C22orf31: variants seen among roughly 807,000 people sequenced by gnomAD.
C22orf31 encodes uncharacterized protein C22orf31.
A neutral mutation model predicts 15.0 loss-of-function variants in C22orf31; 11 were observed. The observed-to-expected ratio is 0.73, with a 90% CI of 0.46 to 1.21. The LOEUF (loss-of-function observed/expected upper bound fraction) is 1.21. C22orf31 is among the 50% of genes most tolerant of loss of function. The probability of loss-of-function intolerance (pLI) is 0.00; values close to 1 mark genes in which losing one functional copy is unlikely to be tolerated. For synonymous variants in C22orf31, 132 were observed against 133.3 expected (o/e 0.99, Z 0.07); for missense variants, 340 against 347.2 (o/e 0.98, Z 0.17).
upstream of C22orf31, chr22:29,061,845 T>G (rs2037395309): frequency 7.1e-7 from 1 of 1,403,240 alleles, no homozygotes; most frequent in Non-Finnish European, 9.9e-7. Context: ...GGAAGAAATA[T>G]GTATTTTCTC....
upstream of C22orf31, among the ~76,000 whole-genome samples, chr22:29,066,539 C>CTTTTTTTTTTTTTTTTT (rs134565): frequency 5.6e-4 from 39 of 70,230 alleles, 5 homozygotes; most frequent in Non-Finnish European, 7.4e-4. Context: ...CTTTTCTTTT[C>CTTTTTTTTTTTTTTTTT]TTTTTTTTTT....
chr22:29,061,935 A>G (rs1357289799), upstream of C22orf31: 7 of 630,570 alleles, frequency 1.1e-5, no homozygotes, highest in Non-Finnish European at 1.9e-5. Flanking sequence ...CCTTAGTCAC[A>G]TATGGGCAAA....
upstream of C22orf31, among the ~76,000 whole-genome samples, chr22:29,066,216 T>G (rs2037428576): frequency 1.3e-5 from 2 of 152,202 alleles, no homozygotes; most frequent in African/African-American, 4.8e-5. Flanking sequence ...GCAATTCTAG[T>G]GGAATTTAGT....
upstream of C22orf31, among the ~76,000 whole-genome samples, chr22:29,066,559 T>C (rs1199990442): frequency 6.1e-4 from 52 of 85,848 alleles, no homozygotes; most frequent in South Asian, 2.8e-3. Context: ...TTTTTTTTTT[T>C]TTTTTTTTTT....
At chr22:29,069,545 C>A in the C22orf31 span, among the ~76,000 whole-genome samples, 1,220 of 152,286 alleles carry the variant, frequency 8.0e-3, 23 homozygotes, top group African/African-American at 0.029. Context: ...CTCACTCTTT[C>A]CATGAAATAA....
upstream of C22orf31, among the ~76,000 whole-genome samples, chr22:29,064,515 G>A (rs1195583588): frequency 2.6e-5 from 4 of 151,532 alleles, no homozygotes; most frequent in Non-Finnish European, 5.9e-5. Context: ...GCTTTTTTGT[G>A]TTTTTGTTTT....
the C22orf31 span, among the ~76,000 whole-genome samples, chr22:29,070,341 A>G: frequency 1.3e-5 from 2 of 152,226 alleles, no homozygotes; most frequent in Non-Finnish European, 2.9e-5. Context: ...AGCAGTGTAC[A>G]TGACAGAGAG....
rs767733864 is a variant in C22orf31 at position 29,059,008 on chromosome 22, G to A, written c.607C>T (p.Leu203=). The A allele has an allele frequency of 1.2e-6, 2 of 1,614,226 alleles. No homozygotes were observed. Among genetic ancestry groups the A allele is most frequent in the South Asian group, 1.1e-5 (1 of 91,090 alleles). The change falls in exon 3 of 3, where the codon CTA becomes TTA. Residue 203 remains leucine, a synonymous_variant. Transcript: ENST00000216071. ...TCTGTGGGGAGACCATGGATGGTTA[G>A]CGTGTCCTCCGACAACTGCTGTCTC... ...QKRQQLSEDT[L]TIHGLPTEGY...
rs752959917 is a variant in C22orf31 at position 29,058,736 on chromosome 22, T to C, written c.*6A>G. ...GAGAATACTCTAATCCCATGAGTTC[T>C]TGTTCCTATTTTTTGCTCTTTAACT... On this transcript the variant is annotated 3_prime_UTR_variant, in exon 3 of 3. Transcript: ENST00000216071. 1 of 1,599,662 alleles carries C rather than the reference T, an allele frequency of 6.3e-7. No individual in the cohort carries two copies. Among genetic ancestry groups the C allele is most frequent in the South Asian group, 1.1e-5 (1 of 89,622 alleles).
upstream of C22orf31, among the ~76,000 whole-genome samples, chr22:29,063,861 G>T (rs2037412295): frequency 6.6e-6 from 1 of 152,068 alleles, no homozygotes; most frequent in Admixed American, 6.6e-5. Context: ...AGTCTATACT[G>T]CCCTTGTTTT....
chr22:29,059,507 A>G (rs2037359299), intron 2 of C22orf31, among the ~76,000 whole-genome samples: 1 of 152,212 alleles, frequency 6.6e-6, no homozygotes, highest in Non-Finnish European at 1.5e-5. Flanking sequence ...TCTGTTCAAA[A>G]GCCTTTTGCA....
chr22:29,065,687 A>C (rs1389648872), upstream of C22orf31, among the ~76,000 whole-genome samples: 2 of 152,260 alleles, frequency 1.3e-5, no homozygotes, highest in African/African-American at 4.8e-5. Flanking sequence ...AGTCTTTAGC[A>C]GAGATTGTCC....
the C22orf31 span, chr22:29,073,240 G>A: frequency 6.2e-6 from 7 of 1,121,866 alleles, no homozygotes; most frequent in African/African-American, 1.6e-5. The surrounding 1 kb of genome is among the most constrained non-coding windows in gnomAD (Gnocchi z 4.4). Context: ...GAGTGTGAGC[G>A]ACCCCCCGCC....
At chr22:29,073,100 G>T in the C22orf31 span, 3 of 811,048 alleles carry the variant, frequency 3.7e-6, no homozygotes, top group Non-Finnish European at 4.5e-6. The surrounding 1 kb of genome is among the most constrained non-coding windows in gnomAD (Gnocchi z 4.4). Context: ...TTTACCCCGG[G>T]CCGCGCCCCG....
chr22:29,060,021 C>CTTTTT lies in C22orf31; in HGVS notation c.432+389_432+393dup, dbSNP rs60208241. 602 of 541,568 alleles carry CTTTTT rather than the reference C, an allele frequency of 1.1e-3. 1 individual carries two copies. Among genetic ancestry groups the CTTTTT allele is most frequent in the Admixed American group, 4.0e-3 (39 of 9,772 alleles). The allele number at this position is 541,568 out of a possible 1,614,324, so 33.5% of individuals were successfully genotyped here. A position where few individuals can be genotyped will look rare whatever the true frequency, so the allele number is the denominator to read the frequency against. The stretch of plus-strand genomic sequence containing the variant: ...CTTGGTATAGATCTTTTTTTCTTTT[C>CTTTTT]TTTTTTTTTTTTTTTTTTTTTTATT... On this transcript the variant is annotated intron_variant, in intron 2 of 2. Coordinates refer to ENST00000216071, the MANE Select transcript of C22orf31 (RefSeq NM_015370.2).
chr22:29,065,678 G>T (rs1406666181), upstream of C22orf31, among the ~76,000 whole-genome samples: 1 of 152,222 alleles, frequency 6.6e-6, no homozygotes, highest in Non-Finnish European at 1.5e-5. Flanking sequence ...GAAGTGGTTA[G>T]TCTTTAGCAG....
the C22orf31 span, among the ~76,000 whole-genome samples, chr22:29,069,450 G>A: frequency 6.6e-6 from 1 of 152,124 alleles, no homozygotes; most frequent in East Asian, 1.9e-4. Context: ...GCCCTCGGAG[G>A]AAGAAAGGGG....
chr22:29,064,567 G>A (rs1326842069), upstream of C22orf31, among the ~76,000 whole-genome samples: 1 of 151,942 alleles, frequency 6.6e-6, no homozygotes, highest in South Asian at 2.1e-4. Context: ...AGGCTGGAGT[G>A]CAGTGGTGTG....
In C22orf31 at chr22:29,060,727, G is replaced by A; in HGVS notation, c.120C>T (p.Ile40=). The change falls in exon 2 of 3, where the codon ATC becomes ATT. Residue 40 remains isoleucine (I), a synonymous_variant. Transcript: ENST00000216071. ...CYVDSPALTN[I]WMARTCAKQN... is the part of the protein sequence containing the mutation. Reference sequence around the variant, plus strand: ...GCTTTGCACATGTTCTGGCCATCCAGATGTTGGTGAGAGCCGGTGAGTCCA... The same window carrying A: ...GCTTTGCACATGTTCTGGCCATCCAAATGTTGGTGAGAGCCGGTGAGTCCA... 1 of 1,614,176 alleles carries A rather than the reference G, an allele frequency of 6.2e-7. No homozygotes were observed. The highest frequency in any genetic ancestry group is 8.5e-7 in the Non-Finnish European group (1 of 1,180,038).
Sources: allele counts gnomAD v4.1 joint callset (sites outside exome capture counted in the v4.1 genomes callset), GRCh38; gene constraint gnomAD v4.1.1; non-coding constraint Gnocchi (gnomAD v3.1); transcripts MANE v1.5; gene names NCBI Gene and HGNC (gene_info 2026-07-23, HGNC 2026-07-21).